The following LOC128462377 variants were observed in gnomAD, a reference collection of about 807,000 sequenced individuals.
At chr16:89,380,948 T>G in the LOC128462377 span, among the ~76,000 whole-genome samples, 2 of 152,136 alleles carry the variant, frequency 1.3e-5, no homozygotes, top group Non-Finnish European at 2.9e-5. Flanking sequence ...CTTCCCAGTG[T>G]GGGCCCACTC....
chr16:89,388,370 T>A, the LOC128462377 span, among the ~76,000 whole-genome samples: 2 of 144,418 alleles, frequency 1.4e-5, no homozygotes, highest in Non-Finnish European at 3.0e-5. Context: ...GACCTCGTGA[T>A]CTGCCCGCCT....
At chr16:89,348,576 G>A in the LOC128462377 span, among the ~76,000 whole-genome samples, 4 of 152,184 alleles carry the variant, frequency 2.6e-5, no homozygotes, top group Non-Finnish European at 5.9e-5. Flanking sequence ...ATCCGGGACT[G>A]AAGGTTTCTT....
the LOC128462377 span, among the ~76,000 whole-genome samples, chr16:89,412,935 C>CA: frequency 6.6e-6 from 1 of 152,178 alleles, no homozygotes; most frequent in East Asian, 1.9e-4. Context: ...TCCCAGCACT[C>CA]AGAGCCGGAT....
the LOC128462377 span, among the ~76,000 whole-genome samples, chr16:89,380,995 C>T: frequency 6.6e-6 from 1 of 152,086 alleles, no homozygotes; most frequent in Admixed American, 6.5e-5. Flanking sequence ...GAGTGAAGCC[C>T]CTGAGCACAC....
the LOC128462377 span, among the ~76,000 whole-genome samples, chr16:89,404,257 C>G: frequency 1.3e-5 from 2 of 152,250 alleles, no homozygotes; most frequent in Middle Eastern, 3.4e-3. Flanking sequence ...AGTCTCCTAT[C>G]CACCCTCACC....
chr16:89,416,359 T>C, the LOC128462377 span, among the ~76,000 whole-genome samples: 4 of 152,044 alleles, frequency 2.6e-5, no homozygotes, highest in Non-Finnish European at 4.4e-5. Flanking sequence ...AAGTGCGGTG[T>C]TGTGATCTTG....
At chr16:89,398,978 C>T in the LOC128462377 span, among the ~76,000 whole-genome samples, 2 of 152,164 alleles carry the variant, frequency 1.3e-5, no homozygotes, top group Admixed American at 6.5e-5. Flanking sequence ...CCCTCTCTCC[C>T]ATCAGCATCA....
At chr16:89,398,386 GAT>G in the LOC128462377 span, among the ~76,000 whole-genome samples, 2 of 87,400 alleles carry the variant, frequency 2.3e-5, no homozygotes, top group African/African-American at 8.4e-5. Context: ...CTGTGAAACA[GAT>G]GAAGATTACC....
chr16:89,370,908 A>T, the LOC128462377 span, among the ~76,000 whole-genome samples: 1 of 151,944 alleles, frequency 6.6e-6, no homozygotes, highest in African/African-American at 2.4e-5. Flanking sequence ...ACACCCAAGA[A>T]CAGAACCCTG....
chr16:89,346,726 G>C, the LOC128462377 span, among the ~76,000 whole-genome samples: 2 of 152,300 alleles, frequency 1.3e-5, no homozygotes, highest in East Asian at 3.9e-4. Context: ...GGGAGATCCA[G>C]GTAAAGTGGT....
chr16:89,392,247 G>C, the LOC128462377 span: 1 of 152,262 alleles, frequency 6.6e-6, no homozygotes, highest in Middle Eastern at 3.2e-3. Flanking sequence ...TCTGCAGAAG[G>C]TATAAAAAAT....
the LOC128462377 span, chr16:89,323,399 CAGCCCAGGGCAGGGGGGCTG>C: frequency 5.1e-6 from 6 of 1,180,444 alleles, no homozygotes; most frequent in African/African-American, 5.8e-5. Context: ...GGAGAGCAAG[CAGCCCAGGGCAGGGGGGCTG>C]AGCCGAGGGC....
chr16:89,358,688 C>A, the LOC128462377 span, among the ~76,000 whole-genome samples: 1 of 152,236 alleles, frequency 6.6e-6, no homozygotes, highest in African/African-American at 2.4e-5. Flanking sequence ...TCAGTGACAA[C>A]CCACAAGCTG....
chr16:89,412,919 CA>C, the LOC128462377 span, among the ~76,000 whole-genome samples: 1 of 152,176 alleles, frequency 6.6e-6, no homozygotes, highest in African/African-American at 2.4e-5. Context: ...CACAGGTCAG[CA>C]GAGGTCCCAG....
the LOC128462377 span, among the ~76,000 whole-genome samples, chr16:89,320,806 C>A: frequency 6.6e-6 from 1 of 152,262 alleles, no homozygotes; most frequent in Non-Finnish European, 1.5e-5. Context: ...CCAGCTGATG[C>A]TGGGAACAGC....
the LOC128462377 span, among the ~76,000 whole-genome samples, chr16:89,349,469 G>C: frequency 6.6e-6 from 1 of 152,098 alleles, no homozygotes; most frequent in East Asian, 1.9e-4. Context: ...GACAGAGCGA[G>C]ACTCATCTCA....
chr16:89,358,391 C>G, the LOC128462377 span, among the ~76,000 whole-genome samples: 1 of 152,236 alleles, frequency 6.6e-6, no homozygotes, highest in Non-Finnish European at 1.5e-5. Context: ...TTAGCGACCA[C>G]GTTTCAAAGA....
the LOC128462377 span, among the ~76,000 whole-genome samples, chr16:89,361,844 CAA>C: frequency 6.6e-6 from 1 of 151,912 alleles, no homozygotes; most frequent in African/African-American, 2.4e-5. Context: ...ACAAAACAAA[CAA>C]AAAAAATCCG....
chr16:89,387,198 G>T, the LOC128462377 span, among the ~76,000 whole-genome samples: 2 of 151,662 alleles, frequency 1.3e-5, no homozygotes, highest in Non-Finnish European at 2.9e-5. Context: ...GCTCAGCAAG[G>T]AAACACACAG....
Sources: allele counts gnomAD v4.1 joint callset (sites outside exome capture counted in the v4.1 genomes callset), GRCh38; gene constraint gnomAD v4.1.1; transcripts MANE v1.5.